The following TMEM132D variants were observed in gnomAD, a reference collection of about 807,000 sequenced individuals.
The protein encoded by TMEM132D is mature OL transmembrane protein.
TMEM132D carries 21 observed loss-of-function variants against 62.3 expected under a neutral mutation model. That is an observed-to-expected ratio of 0.34 (90% CI 0.24 to 0.49). The LOEUF is 0.49. Ranked by LOEUF, TMEM132D falls within the 20% of genes least tolerant of loss-of-function variation. The pLI is 0.99. For missense variants in TMEM132D, 1,346 were observed against 1,402.8 expected, an observed-to-expected ratio of 0.96 and a Z score of 0.65; for synonymous variants, 621 against 575.6, an observed-to-expected ratio of 1.08 and a Z score of -1.13.
chr12:129,342,366 A>G lies in TMEM132D; in HGVS notation c.1116-4549T>C, dbSNP rs985789192. 5.9e-5 allele frequency among the ~76,000 whole-genome samples: 9 copies of G among 152,092 alleles called. 1 individual carries two copies. Among genetic ancestry groups the G allele is most frequent in the African/African-American group, 1.7e-4 (7 of 41,350 alleles). On this transcript the variant is annotated intron_variant, in intron 3 of 8. Coordinates refer to ENST00000422113, the MANE Select transcript of TMEM132D (RefSeq NM_133448.3). ...ATAAATGGTGCTGGGAAAACTGGCT[A>G]GCCATATGTAGAAAGCTGAAACTGG...
At chr12:129,484,977 G>C (rs1426533001) in intron 3 of TMEM132D, among the ~76,000 whole-genome samples, 1 of 152,218 alleles carries the variant, frequency 6.6e-6, no homozygotes, top group African/African-American at 2.4e-5. Context: ...GAGGGCCAAA[G>C]GGACATGGTC....
At chr12:129,409,549 C>T (rs1054292841) in intron 3 of TMEM132D, among the ~76,000 whole-genome samples, 5 of 152,190 alleles carry the variant, frequency 3.3e-5, no homozygotes, top group Non-Finnish European at 7.3e-5. Context: ...AGCTGAGAAC[C>T]TGGTGGGTGA....
At chr12:129,290,410 T>C (rs1002779941) in intron 4 of TMEM132D, among the ~76,000 whole-genome samples, 1 of 152,162 alleles carries the variant, frequency 6.6e-6, no homozygotes, top group Non-Finnish European at 1.5e-5. Context: ...ACCTACACTA[T>C]TCTAATTAAC....
At chr12:129,440,393 A>T (rs1336859190) in intron 3 of TMEM132D, among the ~76,000 whole-genome samples, 2 of 152,142 alleles carry the variant, frequency 1.3e-5, no homozygotes, top group East Asian at 3.9e-4. Flanking sequence ...CTCTGAAGAG[A>T]TCTGGAGAGT....
intron 2 of TMEM132D, among the ~76,000 whole-genome samples, chr12:129,555,916 T>C (rs952617229): frequency 1.3e-5 from 2 of 152,192 alleles, no homozygotes; most frequent in Non-Finnish European, 2.9e-5. Flanking sequence ...TCTCTGTAGA[T>C]AATTTAGGTG....
chr12:129,154,817 G>A (rs1389060286), intron 5 of TMEM132D, among the ~76,000 whole-genome samples: 1 of 152,152 alleles, frequency 6.6e-6, no homozygotes, highest in Non-Finnish European at 1.5e-5. Flanking sequence ...AGCTTGAAAT[G>A]TCCACAGACC....
intron 5 of TMEM132D, among the ~76,000 whole-genome samples, chr12:129,200,241 A>G (rs908636127): frequency 2.0e-5 from 3 of 152,010 alleles, no homozygotes; most frequent in Non-Finnish European, 2.9e-5. Flanking sequence ...CAAAATGACC[A>G]CCTTTTGCCA....
chr12:129,577,579 ATT>A (rs1877706638), intron 2 of TMEM132D, among the ~76,000 whole-genome samples: 1 of 151,790 alleles, frequency 6.6e-6, no homozygotes. Context: ...GATTTGTATA[ATT>A]TTGTGGCAGT....
chr12:129,652,410 C>A (rs951002519), intron 2 of TMEM132D, among the ~76,000 whole-genome samples: 5 of 152,146 alleles, frequency 3.3e-5, no homozygotes, highest in Admixed American at 3.3e-4. Context: ...ATTATGTTAC[C>A]TGGCAAAAGA....
intron 3 of TMEM132D, among the ~76,000 whole-genome samples, chr12:129,397,416 A>G (rs956831539): frequency 6.6e-6 from 1 of 152,148 alleles, no homozygotes; most frequent in African/African-American, 2.4e-5. Flanking sequence ...AGTCTAAATT[A>G]TGTTATGCAT....
intron 4 of TMEM132D, chr12:129,262,334 T>C (rs1172567272): frequency 3.9e-5 from 6 of 152,218 alleles, no homozygotes; most frequent in African/African-American, 1.2e-4. Flanking sequence ...TAGTCTTTAG[T>C]AGTAACATTA....
At chr12:129,897,334 G>GTCTTCATTC (rs1476751994) in intron 1 of TMEM132D, among the ~76,000 whole-genome samples, 1 of 152,170 alleles carries the variant, frequency 6.6e-6, no homozygotes, top group Non-Finnish European at 1.5e-5. Context: ...AAGAGTCTGT[G>GTCTTCATTC]TCTTCATTCC....
At chr12:129,321,732 T>C (rs1045366079) in intron 4 of TMEM132D, among the ~76,000 whole-genome samples, 1 of 151,958 alleles carries the variant, frequency 6.6e-6, no homozygotes, top group Non-Finnish European at 1.5e-5. Flanking sequence ...CTAATTTTTT[T>C]GTATTTTTAG....
intron 1 of TMEM132D, among the ~76,000 whole-genome samples, chr12:129,786,172 C>T (rs140010208): frequency 2.2e-4 from 34 of 152,296 alleles, no homozygotes; most frequent in Non-Finnish European, 4.3e-4. Flanking sequence ...TGCCCTGCCT[C>T]CTCCAGGTGG....
intron 3 of TMEM132D, among the ~76,000 whole-genome samples, chr12:129,362,273 C>T (rs1566045432): frequency 6.6e-6 from 1 of 151,812 alleles, no homozygotes; most frequent in Non-Finnish European, 1.5e-5. Flanking sequence ...ACCTATTAAT[C>T]CTGGTTAAAG....
At chr12:129,417,314 A>C in intron 3 of TMEM132D, among the ~76,000 whole-genome samples, 1 of 152,230 alleles carries the variant, frequency 6.6e-6, no homozygotes, top group East Asian at 1.9e-4. Context: ...ACAAGGCTGC[A>C]GTAACCAAAA....
chr12:129,263,057 T>C (rs1880594064), intron 4 of TMEM132D, among the ~76,000 whole-genome samples: 1 of 152,158 alleles, frequency 6.6e-6, no homozygotes, highest in African/African-American at 2.4e-5. Flanking sequence ...CCCTGAGCAC[T>C]TACTCTCTGC....
chr12:129,373,064 G>A (rs1593355520), intron 3 of TMEM132D, among the ~76,000 whole-genome samples: 1 of 152,158 alleles, frequency 6.6e-6, no homozygotes, highest in South Asian at 2.1e-4. Context: ...CTGGTTCAAA[G>A]CCTGGGATAA....
intron 2 of TMEM132D, among the ~76,000 whole-genome samples, chr12:129,638,527 A>G (rs1328830625): frequency 4.4e-5 from 2 of 45,676 alleles, no homozygotes; most frequent in African/African-American, 1.4e-4. Context: ...ATATAAATAT[A>G]TAAACATATA....
Sources: gnomAD v4.1 joint callset for allele counts (sites outside exome capture counted in the v4.1 genomes callset) on GRCh38, gnomAD v4.1.1 for gene constraint, MANE v1.5 for transcripts, NCBI Gene and HGNC (gene_info 2026-07-23, HGNC 2026-07-21) for gene names.